Variants in ALDH5A1 observed in about 807,000 individuals in gnomAD.
ALDH5A1 encodes the protein aldehyde dehydrogenase 5 family member A1.
A neutral mutation model predicts 54.7 loss-of-function variants in ALDH5A1; 33 were observed. The observed-to-expected ratio is 0.60, with a 90% confidence interval of 0.46 to 0.81. The LOEUF is 0.81. Ranked by LOEUF, ALDH5A1 falls within the 30% of genes least tolerant of loss-of-function variation. ALDH5A1 has a pLI of 0.00. For synonymous variants in ALDH5A1, 294 were observed against 292.7 expected (o/e 1.00, Z -0.05); for missense variants, 657 against 711.0 (o/e 0.92, Z 0.86).
intron 1 of ALDH5A1, among the ~76,000 whole-genome samples, chr6:24,499,533 C>T (rs1764779419): frequency 6.8e-6 from 1 of 147,204 alleles, no homozygotes; most frequent in South Asian, 2.2e-4. Context: ...GCTCCATTGC[C>T]TAGGCTGGAG....
At chr6:24,524,756 A>G (rs1010592431) in intron 7 of ALDH5A1, among the ~76,000 whole-genome samples, 3 of 152,206 alleles carry the variant, frequency 2.0e-5, no homozygotes, top group Non-Finnish European at 2.9e-5. Context: ...AGTGAAGGCA[A>G]TTTGGGTCTA....
At chr6:24,496,182 A>G (rs1199346101) in intron 1 of ALDH5A1, among the ~76,000 whole-genome samples, 1 of 152,152 alleles carries the variant, frequency 6.6e-6, no homozygotes, top group Non-Finnish European at 1.5e-5. Flanking sequence ...CTGTTTACTG[A>G]GCACCTGCTG....
chr6:24,520,192 C>T (rs1759652229), intron 5 of ALDH5A1, among the ~76,000 whole-genome samples: 1 of 152,200 alleles, frequency 6.6e-6, no homozygotes, highest in Admixed American at 6.5e-5. Flanking sequence ...GTGCACACTA[C>T]CACACCCAGC....
At chr6:24,499,554 C>T (rs7740941) in intron 1 of ALDH5A1, among the ~76,000 whole-genome samples, 4,914 of 136,718 alleles carry the variant, frequency 0.036, 179 homozygotes, top group African/African-American at 0.087. Context: ...TACAGTGATG[C>T]TATCATTGGC....
At chr6:24,495,826 G>A (rs2817213) in intron 1 of ALDH5A1, among the ~76,000 whole-genome samples, 54,032 of 152,062 alleles carry the variant, frequency 0.36, 10,026 homozygotes, top group African/African-American at 0.4. Context: ...AGAATCATGG[G>A]ATCGGAAACG....
rs137911195 is a variant in ALDH5A1, at chr6:24,497,173, TG to T, written c.354+1826del. 3.5e-3 allele frequency among the ~76,000 whole-genome samples: 525 copies of T among 152,124 alleles called. 1 individual carries two copies. The highest frequency in any genetic ancestry group is 0.012 in the African/African-American group (488 of 41,518). ...TCCACAGCGCGGAAGGGGACCCGAG[TG>T]GGTTGTCGCTGCTGGGTGGGTGGGG... On this transcript the variant is annotated intron_variant, in intron 1 of 9. Transcript: ENST00000357578.
At position 24,515,233 on chromosome 6, in the gene ALDH5A1, A is replaced by C. The variant is rs760040470; in HGVS notation, c.793A>C (p.Lys265Gln). 2.5e-6 allele frequency: 4 copies of C among 1,613,672 alleles called. No homozygotes were observed. Among genetic ancestry groups the C allele is most frequent in the Non-Finnish European group, 3.4e-6 (4 of 1,179,966 alleles). Reference sequence around the variant, plus strand: ...TATTCCCTGTTCTCGAAAGAATGCCAAGGAAGTAGGGGAGGCAATTTGTAC... The same window carrying C: ...TATTCCCTGTTCTCGAAAGAATGCCCAGGAAGTAGGGGAGGCAATTTGTAC... ...NVIPCSRKNA[K>Q]EVGEAICTDP... Residue 265 changes from lysine (K) to glutamine (Q), a missense_variant, in exon 5 of 10, where the codon AAG becomes CAG. Lys to Gln is a moderately conservative substitution (Grantham distance 53). This residue lies in a region of ALDH5A1 where 425 missense variants were observed against 516.4 expected (regional missense o/e 0.82). Coordinates refer to ENST00000357578, the MANE Select transcript of ALDH5A1 (RefSeq NM_001080.3).
At chr6:24,503,526 C>T in intron 3 of ALDH5A1, 93 bp downstream of exon 3, 1 of 1,455,232 alleles carries the variant, frequency 6.9e-7, no homozygotes, top group Non-Finnish European at 9.4e-7. Flanking sequence ...TGTGCTCATC[C>T]TGTTAGTTTT....
At chr6:24,528,952 C>G (rs1278385534) in intron 8 of ALDH5A1, among the ~76,000 whole-genome samples, 1 of 152,018 alleles carries the variant, frequency 6.6e-6, no homozygotes, top group Admixed American at 6.6e-5. Flanking sequence ...GCTGAGATCA[C>G]AGGCATGAAC....
In ALDH5A1 at chr6:24,503,271, A is replaced by T. The variant is rs1344809767; in HGVS notation, c.447A>T (p.Pro149=). The T allele has an allele frequency of 6.2e-7, 1 of 1,613,784 alleles. No homozygotes were observed. The highest frequency in any genetic ancestry group is 1.3e-5 in the African/African-American group (1 of 74,940). ...ARIITAESGK[P]LKEAHGEILY... The stretch of plus-strand genomic sequence containing the variant: ...TTTCTGATTTAATTTAGGGAAAGCC[A>T]CTGAAGGAGGCACATGGAGAAATTC... Residue 149 remains proline, a synonymous_variant, in exon 3 of 10, where the codon CCA becomes CCT. Coordinates refer to ENST00000357578, the MANE Select transcript of ALDH5A1 (RefSeq NM_001080.3).
At chr6:24,516,797 CAT>C (rs1679275549) in intron 5 of ALDH5A1, among the ~76,000 whole-genome samples, 1 of 152,056 alleles carries the variant, frequency 6.6e-6, no homozygotes, top group African/African-American at 2.4e-5. Context: ...GTGGCACACA[CAT>C]GTAGTCCCAG....
chr6:24,499,101 C>CA (rs35062384), intron 1 of ALDH5A1, among the ~76,000 whole-genome samples: 8,507 of 90,972 alleles, frequency 0.094, 339 homozygotes, highest in Middle Eastern at 0.16. Context: ...GACTCTGTCT[C>CA]AAAAAAAAAA....
chr6:24,496,865 C>T (rs1764718174), intron 1 of ALDH5A1, among the ~76,000 whole-genome samples: 1 of 152,112 alleles, frequency 6.6e-6, no homozygotes, highest in African/African-American at 2.4e-5. Context: ...CAAATGCACT[C>T]ACATTCTGAG....
chr6:24,530,645 T>C (rs2247845), intron 8 of ALDH5A1, among the ~76,000 whole-genome samples: 128,688 of 152,250 alleles, frequency 0.85, 55,380 homozygotes, highest in Non-Finnish European at 0.91. Context: ...GTGCCACTCC[T>C]CCACCCCAAG....
At chr6:24,515,105 T>C in intron 4 of ALDH5A1, 62 bp from the exon 5 acceptor site, 12 of 1,186,342 alleles carry the variant, frequency 1.0e-5, no homozygotes, top group Non-Finnish European at 1.4e-5. Context: ...CTCTTTTCTT[T>C]TTTTTTTTTT....
intron 4 of ALDH5A1, among the ~76,000 whole-genome samples, chr6:24,507,569 TTCAGTA>T (rs2127383735): frequency 6.6e-6 from 1 of 152,214 alleles, no homozygotes; most frequent in African/African-American, 2.4e-5. Flanking sequence ...AGTGTGCTCT[TTCAGTA>T]TGTAGTTTCC....
chr6:24,505,833 T>G (rs1233363371), intron 4 of ALDH5A1, among the ~76,000 whole-genome samples: 1 of 152,024 alleles, frequency 6.6e-6, no homozygotes, highest in Non-Finnish European at 1.5e-5. Flanking sequence ...CTGGGCGTGG[T>G]GGCATGTGCA....
chr6:24,510,086 T>C (rs1759432035), intron 4 of ALDH5A1, among the ~76,000 whole-genome samples: 1 of 152,236 alleles, frequency 6.6e-6, no homozygotes, highest in Non-Finnish European at 1.5e-5. Flanking sequence ...GAGCAAGTTA[T>C]TTAATTTCTA....
At position 24,515,367 on chromosome 6, in the gene ALDH5A1, G is replaced by A; in HGVS notation, c.870+57G>A. The stretch of plus-strand genomic sequence containing the variant: ...GTCTTTCTAATATTTTATCTTGATA[G>A]GTTATAAAAATACTATTTCATCCTG... On this transcript the variant is annotated intron_variant, in intron 5 of 9. Coordinates refer to ENST00000357578, the MANE Select transcript of ALDH5A1 (RefSeq NM_001080.3). The A allele has an allele frequency of 1.9e-6, 3 of 1,580,866 alleles. No individual in the cohort carries two copies. The South Asian group carries it at 3.3e-5, about 18-fold the overall frequency.
Sources: gnomAD v4.1 joint callset for allele counts (sites outside exome capture counted in the v4.1 genomes callset) on GRCh38, gnomAD v4.1.1 for gene constraint, gnomAD v4.1.1 regional missense constraint, MANE v1.5 for transcripts, NCBI Gene and HGNC (gene_info 2026-07-23, HGNC 2026-07-21) for gene names.